ST6GALNAC3: variants seen among roughly 807,000 people sequenced by gnomAD.
The protein encoded by ST6GALNAC3 is alpha-N-acetylgalactosaminide alpha-2,6-sialyltransferase 3.
In ST6GALNAC3, 25 loss-of-function variants were observed where a neutral mutation model predicts 32.7. That is an observed-to-expected ratio of 0.76 (90% CI 0.56 to 1.07). The LOEUF is 1.07. Ranked by LOEUF, ST6GALNAC3 falls within the 50% of genes least tolerant of loss-of-function variation. ST6GALNAC3 has a pLI of 0.00. For missense variants in ST6GALNAC3, 355 were observed against 382.4 expected (o/e 0.93, Z 0.60); for synonymous variants, 129 against 133.1 (o/e 0.97, Z 0.21).
At chr1:76,389,945 T>C (rs1300569672) in intron 2 of ST6GALNAC3, among the ~76,000 whole-genome samples, 1 of 152,184 alleles carries the variant, frequency 6.6e-6, no homozygotes, top group Non-Finnish European at 1.5e-5. Context: ...TTTTTCATAA[T>C]AGCCAGCAAT....
chr1:76,545,454 T>C (rs1664236449), intron 3 of ST6GALNAC3, among the ~76,000 whole-genome samples: 1 of 152,104 alleles, frequency 6.6e-6, no homozygotes, highest in African/African-American at 2.4e-5. Context: ...GATCCTCCTG[T>C]TACAGTGTCC....
At chr1:76,451,989 T>C (rs1657436778) in intron 3 of ST6GALNAC3, among the ~76,000 whole-genome samples, 1 of 152,196 alleles carries the variant, frequency 6.6e-6, no homozygotes, top group South Asian at 2.1e-4. Flanking sequence ...CATCCTTGTC[T>C]TGTTACACTT....
intron 1 of ST6GALNAC3, among the ~76,000 whole-genome samples, chr1:76,083,161 A>G (rs1453424291): frequency 1.3e-5 from 2 of 152,228 alleles, no homozygotes; most frequent in African/African-American, 4.8e-5. Flanking sequence ...ATTGGAAGTA[A>G]AATGTGTATA....
At chr1:76,506,670 A>T (rs992406661) in intron 3 of ST6GALNAC3, among the ~76,000 whole-genome samples, 4 of 152,202 alleles carry the variant, frequency 2.6e-5, no homozygotes, top group Middle Eastern at 3.2e-3. Context: ...ATTCCAAAGG[A>T]GACACTAATA....
chr1:76,311,270 G>A (rs149017460), intron 1 of ST6GALNAC3, among the ~76,000 whole-genome samples: 99 of 110,250 alleles, frequency 9.0e-4, no homozygotes, highest in African/African-American at 3.0e-3. Context: ...CCCCCACCCC[G>A]CCTTTTTTTT....
At chr1:76,378,031 T>C (rs760521801) in intron 2 of ST6GALNAC3, among the ~76,000 whole-genome samples, 4 of 152,154 alleles carry the variant, frequency 2.6e-5, no homozygotes, top group Non-Finnish European at 5.9e-5. Context: ...CCACTAAGGA[T>C]AGATTTCAGC....
At chr1:76,171,907 C>T (rs1652538873) in intron 1 of ST6GALNAC3, among the ~76,000 whole-genome samples, 1 of 149,852 alleles carries the variant, frequency 6.7e-6, no homozygotes. Context: ...ACCAGAAATA[C>T]AAAGAGGAAC....
chr1:76,597,186 A>G (rs1439096003), intron 3 of ST6GALNAC3, among the ~76,000 whole-genome samples: 1 of 152,208 alleles, frequency 6.6e-6, no homozygotes, highest in Non-Finnish European at 1.5e-5. Flanking sequence ...AGAAACTAAC[A>G]AAATAACAGA....
rs112629942 is a variant in ST6GALNAC3 at position 76,464,370 on chromosome 1, C to A, written c.623+51953C>A. The stretch of plus-strand genomic sequence containing the variant: ...AATTGATACTTGGAAAGCTCAATAA[C>A]TATTTATAACTGTGGGTGATGTTGA... On this transcript the variant is annotated intron_variant, in intron 3 of 4. Transcript: ENST00000328299. Among the ~76,000 whole-genome samples, 385 of 152,240 alleles carry A rather than the reference C, an allele frequency of 2.5e-3. 3 individuals carry two copies. Among genetic ancestry groups the A allele is most frequent in the African/African-American group, 9.0e-3 (375 of 41,542 alleles).
At chr1:76,495,151 G>A (rs748133447) in intron 3 of ST6GALNAC3, among the ~76,000 whole-genome samples, 1 of 152,040 alleles carries the variant, frequency 6.6e-6, no homozygotes, top group African/African-American at 2.4e-5. Context: ...ACATGCCCAG[G>A]ATAATGTTTG....
At chr1:76,459,994 G>T (rs1165495203) in intron 3 of ST6GALNAC3, among the ~76,000 whole-genome samples, 1 of 151,956 alleles carries the variant, frequency 6.6e-6, no homozygotes, top group Admixed American at 6.6e-5. Flanking sequence ...AGTTCTTTTG[G>T]GAATACTTAG....
intron 2 of ST6GALNAC3, among the ~76,000 whole-genome samples, chr1:76,315,990 A>C (rs1331510296): frequency 6.6e-6 from 1 of 152,110 alleles, no homozygotes; most frequent in African/African-American, 2.4e-5. Flanking sequence ...GAATAAACAC[A>C]TGTAGGGGTT....
chr1:76,626,141 C>T (rs1337686949), intron 3 of ST6GALNAC3, among the ~76,000 whole-genome samples: 1 of 151,816 alleles, frequency 6.6e-6, no homozygotes, highest in East Asian at 1.9e-4. Flanking sequence ...AATTATAGCA[C>T]ACTGATGGCT....
At position 76,459,915 on chromosome 1, in the gene ST6GALNAC3, C is replaced by T. The variant is rs565360725; in HGVS notation, c.623+47498C>T. On this transcript the variant is annotated intron_variant, in intron 3 of 4. Transcript: ENST00000328299. ...AGTTGATAGATGTTTGATGATTTCT[C>T]TTTTGGCTACTGTGAGTAGCGTTGT... 1.6e-4 allele frequency among the ~76,000 whole-genome samples: 24 copies of T among 152,208 alleles called. No homozygotes were observed. In the South Asian group the frequency reaches 3.1e-3, roughly 20 times the overall value.
chr1:76,182,175 A>T (rs1653225691), intron 1 of ST6GALNAC3, among the ~76,000 whole-genome samples: 1 of 152,202 alleles, frequency 6.6e-6, no homozygotes, highest in Non-Finnish European at 1.5e-5. Flanking sequence ...CATTTACATT[A>T]TTGGTGTTGC....
At chr1:76,617,028 C>A (rs1420611290) in intron 3 of ST6GALNAC3, among the ~76,000 whole-genome samples, 1 of 152,156 alleles carries the variant, frequency 6.6e-6, no homozygotes, top group Non-Finnish European at 1.5e-5. Flanking sequence ...GAGCCCTAAG[C>A]AACAAGACTT....
intron 1 of ST6GALNAC3, among the ~76,000 whole-genome samples, chr1:76,108,145 T>C (rs1446924683): frequency 6.6e-6 from 1 of 152,196 alleles, no homozygotes; most frequent in Admixed American, 6.5e-5. Flanking sequence ...CACTGTCTTC[T>C]TGAAATCACC....
chr1:76,199,209 C>A (rs990704824), intron 1 of ST6GALNAC3, among the ~76,000 whole-genome samples: 9 of 152,200 alleles, frequency 5.9e-5, no homozygotes, highest in Admixed American at 5.9e-4. Flanking sequence ...AAAATTGCCA[C>A]ATTTACCTCT....
chr1:76,580,788 A>G lies in ST6GALNAC3; in HGVS notation c.624-46664A>G, dbSNP rs192837543. Among the ~76,000 whole-genome samples the G allele has an allele frequency of 4.5e-4, 68 of 152,088 alleles. No individual in the cohort carries two copies. In the Middle Eastern group the frequency reaches 0.01, roughly 23 times the overall value. On this transcript the variant is annotated intron_variant, in intron 3 of 4. Coordinates refer to ENST00000328299, the MANE Select transcript of ST6GALNAC3 (RefSeq NM_152996.4). ...CCATGAAACAGAACAATCTTAGCTG[A>G]TAAGAGAGAGTTGATATTGCATGTG...
Sources: gnomAD v4.1 joint callset for allele counts (sites outside exome capture counted in the v4.1 genomes callset) on GRCh38, gnomAD v4.1.1 for gene constraint, MANE v1.5 for transcripts, NCBI Gene and HGNC (gene_info 2026-07-23, HGNC 2026-07-21) for gene names.